UGT1A5: variants seen among roughly 807,000 people sequenced by gnomAD.
The protein encoded by UGT1A5 is UDP-glucuronosyltransferase 1A5.
A neutral mutation model predicts 40.3 loss-of-function variants in UGT1A5; 29 were observed. The observed-to-expected ratio is 0.72, with a 90% CI of 0.54 to 0.98. The LOEUF (loss-of-function observed/expected upper bound fraction) is 0.98, where lower values mean the gene tolerates loss of function less well. Ranked by LOEUF, UGT1A5 falls within the 50% of genes least tolerant of loss-of-function variation. The pLI, the probability that UGT1A5 is intolerant of heterozygous loss-of-function variation, is 0.00. For missense variants in UGT1A5, 678 were observed against 677.9 expected, an observed-to-expected ratio of 1.00 and a Z score of 0.00; for synonymous variants, 257 against 262.5, an observed-to-expected ratio of 0.98 and a Z score of 0.20.
intron 1 of UGT1A5, among the ~76,000 whole-genome samples, chr2:233,733,899 C>T (rs563890237): frequency 6.6e-6 from 1 of 151,930 alleles, no homozygotes; most frequent in Non-Finnish European, 1.5e-5. Flanking sequence ...CCTGTTTGTA[C>T]CTCTCTGGTA....
At chr2:233,735,698 A>C (rs1273245395) in intron 1 of UGT1A5, among the ~76,000 whole-genome samples, 2 of 152,000 alleles carry the variant, frequency 1.3e-5, no homozygotes, top group Admixed American at 6.5e-5. Flanking sequence ...CTTGTAAGGC[A>C]GGCCTGGTGG....
At position 233,713,775 on chromosome 2, in the gene UGT1A5, G is replaced by T; in HGVS notation, c.784G>T (p.Val262Leu). Residue 262 changes from valine (V) to leucine (L), a missense_variant, in exon 1 of 5, where the codon GTG (valine) becomes TTG (leucine). By Grantham distance (32) the Val-to-Leu change is conservative. Coordinates refer to ENST00000373414, the MANE Select transcript of UGT1A5 (RefSeq NM_019078.2). ...TGTGTGGCTGTTCCGAGGGGACTTTGTGATGGATTACCCCAGGCCGATCAT... is the reference window on the plus strand; with the variant it reads ...TGTGTGGCTGTTCCGAGGGGACTTTTTGATGGATTACCCCAGGCCGATCAT... ...ASVWLFRGDF[V>L]MDYPRPIMPN... The T allele has an allele frequency of 6.2e-7, 1 of 1,614,026 alleles. No homozygotes were observed. The highest frequency in any genetic ancestry group is 8.5e-7 in the Non-Finnish European group (1 of 1,179,938).
At position 233,766,963 on chromosome 2, in the gene UGT1A5, C is replaced by T. The variant is rs1348072770; in HGVS notation, c.868-71C>T. On this transcript the variant is annotated intron_variant, in intron 1 of 4. Transcript: ENST00000373414. ...AGTCTTAAGAGGAAGATATCTAATT[C>T]ATAACTTACTGTATGTAGTCATCAA... is the stretch of plus-strand genomic sequence containing the variant. 3.4e-5 allele frequency: 54 copies of T among 1,607,648 alleles called. No individual in the cohort carries two copies. In the South Asian group the frequency reaches 3.5e-4, roughly 10 times the overall value.
chr2:233,762,546 T>C (rs1698100771), intron 1 of UGT1A5, among the ~76,000 whole-genome samples: 1 of 152,252 alleles, frequency 6.6e-6, no homozygotes. Context: ...CCACAGTGTA[T>C]TCTGCTGGAG....
At chr2:233,728,383 G>T (rs2077708725) in intron 1 of UGT1A5, among the ~76,000 whole-genome samples, 1 of 152,140 alleles carries the variant, frequency 6.6e-6, no homozygotes, top group Admixed American at 6.5e-5. Context: ...GTCTTTGCTA[G>T]GGTTGTCTTG....
chr2:233,742,137 G>A (rs1225241098), intron 1 of UGT1A5, among the ~76,000 whole-genome samples: 1 of 151,882 alleles, frequency 6.6e-6, no homozygotes, highest in Non-Finnish European at 1.5e-5. Context: ...CCCTAACCCA[G>A]CAGCGCTAGA....
At chr2:233,760,900 A>G in intron 1 of UGT1A5, 1 of 1,613,770 alleles carries the variant, frequency 6.2e-7, no homozygotes, top group Non-Finnish European at 8.5e-7. Context: ...AGATCACATG[A>G]CCTTCCTGCA....
intron 1 of UGT1A5, among the ~76,000 whole-genome samples, chr2:233,725,299 C>G (rs59772713): frequency 6.9e-5 from 3 of 43,506 alleles, no homozygotes; most frequent in African/African-American, 2.7e-4. Flanking sequence ...GAGGCAGAGG[C>G]AGAGGCAGAG....
intron 1 of UGT1A5, among the ~76,000 whole-genome samples, chr2:233,726,638 A>G (rs1268370501): frequency 1.3e-5 from 2 of 152,164 alleles, no homozygotes; most frequent in Admixed American, 6.6e-5. Context: ...CAATCTCCCC[A>G]TCTTAAAACT....
At chr2:233,766,826 T>G (rs1699252557) in intron 1 of UGT1A5, among the ~76,000 whole-genome samples, 1 of 152,230 alleles carries the variant, frequency 6.6e-6, no homozygotes, top group Non-Finnish European at 1.5e-5. Context: ...AGGATAATTC[T>G]GTAAGCAGGA....
chr2:233,730,079 T>A, intron 1 of UGT1A5: 1 of 1,605,320 alleles, frequency 6.2e-7, no homozygotes, highest in African/African-American at 1.3e-5. Context: ...CTTCCATATT[T>A]ACTTATCTTT....
intron 1 of UGT1A5, among the ~76,000 whole-genome samples, chr2:233,739,992 T>C (rs772368489): frequency 2.0e-5 from 3 of 151,936 alleles, no homozygotes; most frequent in Non-Finnish European, 2.9e-5. Context: ...CATGCTGTTC[T>C]TGTCATACTA....
intron 1 of UGT1A5, among the ~76,000 whole-genome samples, chr2:233,745,325 C>G (rs901195420): frequency 6.6e-6 from 1 of 151,822 alleles, no homozygotes; most frequent in African/African-American, 2.4e-5. Context: ...ACTAGAACTG[C>G]TATATCATGA....
chr2:233,723,199 A>G (rs111421853), intron 1 of UGT1A5, among the ~76,000 whole-genome samples: 3,458 of 129,646 alleles, frequency 0.027, 116 homozygotes, highest in African/African-American at 0.11. Context: ...TGTGGTAAAA[A>G]AAGTCAAAAC....
chr2:233,764,699 G>A (rs1698625659), intron 1 of UGT1A5, among the ~76,000 whole-genome samples: 1 of 152,188 alleles, frequency 6.6e-6, no homozygotes, highest in African/African-American at 2.4e-5. Flanking sequence ...ACTTGGAAAT[G>A]AGCTGTGTCT....
chr2:233,719,132 A>C (rs373602050), intron 1 of UGT1A5: 15 of 1,614,240 alleles, frequency 9.3e-6, no homozygotes, highest in African/African-American at 1.3e-5. Flanking sequence ...TTGAAACAGA[A>C]CATCTTCTGA....
In UGT1A5 at chr2:233,768,557, A is replaced by G. The variant is rs28946891; in HGVS notation, c.1307+118A>G. 5 of 1,466,482 alleles carry G rather than the reference A, an allele frequency of 3.4e-6. No individual in the cohort carries two copies. The African/African-American group carries it at 7.2e-5, about 21-fold the overall frequency. 90.8% of individuals were successfully genotyped at this position (1,466,482 alleles called of 1,614,324 possible). On this transcript the variant is annotated intron_variant, in intron 4 of 4. Coordinates refer to ENST00000373414, the MANE Select transcript of UGT1A5 (RefSeq NM_019078.2). ...TTGTTTCAAATATAAAAACAAATAC[A>G]TAAAAATCTGGATTTTTATTTCTTC... is the stretch of plus-strand genomic sequence containing the variant.
At chr2:233,729,584 C>T in intron 1 of UGT1A5, 7 of 1,614,090 alleles carry the variant, frequency 4.3e-6, no homozygotes, top group Non-Finnish European at 5.9e-6. Flanking sequence ...TTAACAGACC[C>T]CGTTAACCTC....
intron 1 of UGT1A5, among the ~76,000 whole-genome samples, chr2:233,730,339 G>C (rs954764150): frequency 2.0e-5 from 3 of 152,178 alleles, no homozygotes; most frequent in Non-Finnish European, 4.4e-5. Flanking sequence ...GTTTGGAACT[G>C]ATCCATCCTG....
Sources: allele counts gnomAD v4.1 joint callset (sites outside exome capture counted in the v4.1 genomes callset), GRCh38; gene constraint gnomAD v4.1.1; transcripts MANE v1.5; gene names NCBI Gene and HGNC (gene_info 2026-07-23, HGNC 2026-07-21).